Variants in KALRN observed in about 807,000 individuals in gnomAD.
The protein encoded by KALRN is kalirin.
In KALRN, 70 loss-of-function variants were observed where a neutral mutation model predicts 353.7. The ratio of observed to expected loss-of-function variants is 0.20; its 90% CI spans 0.16 to 0.24. The LOEUF is 0.24. KALRN is among the 10% of genes least tolerant of loss of function. KALRN has a pLI of 1.00. For missense variants in KALRN, 2,791 were observed against 3,756.7 expected (o/e 0.74, Z 6.72); for synonymous variants, 1,391 against 1,434.8 (o/e 0.97, Z 0.69).
At chr3:124,525,630 A>G (rs749941879) in intron 33 of KALRN, among the ~76,000 whole-genome samples, 1 of 152,182 alleles carries the variant, frequency 6.6e-6, no homozygotes, top group Non-Finnish European at 1.5e-5. Context: ...GCCTTGAGAA[A>G]AGCAAGTGGT....
At chr3:124,709,338 CA>C (rs2062784876) in intron 57 of KALRN, among the ~76,000 whole-genome samples, 1 of 152,100 alleles carries the variant, frequency 6.6e-6, no homozygotes, top group South Asian at 2.1e-4. Context: ...AGTGCAGTGG[CA>C]CAATCTTGGC....
chr3:124,109,646 T>A (rs918429952), intron 1 of KALRN, among the ~76,000 whole-genome samples: 1 of 151,262 alleles, frequency 6.6e-6, no homozygotes, highest in Non-Finnish European at 1.5e-5. Context: ...AAATGGAATA[T>A]ATTTACCATG....
intron 10 of KALRN, among the ~76,000 whole-genome samples, chr3:124,360,298 G>A (rs2083887332): frequency 6.6e-6 from 1 of 152,218 alleles, no homozygotes; most frequent in Non-Finnish European, 1.5e-5. Context: ...GCTGCCGGTG[G>A]AATCTGATAT....
intron 6 of KALRN, among the ~76,000 whole-genome samples, chr3:124,309,475 T>C (rs1443711509): frequency 6.6e-6 from 1 of 152,152 alleles, no homozygotes; most frequent in East Asian, 1.9e-4. Flanking sequence ...GCAGGAGAGT[T>C]ATTTGACTCC....
chr3:124,631,405 A>C (rs992184179), intron 34 of KALRN, among the ~76,000 whole-genome samples: 1 of 151,454 alleles, frequency 6.6e-6, no homozygotes, highest in Non-Finnish European at 1.5e-5. Context: ...CTAAACCTAA[A>C]CTCCTATATT....
intron 27 of KALRN, among the ~76,000 whole-genome samples, chr3:124,481,854 G>A (rs2062020621): frequency 6.6e-6 from 1 of 152,138 alleles, no homozygotes; most frequent in South Asian, 2.1e-4. Context: ...CCCAACCCCA[G>A]TAATCTCTCA....
chr3:124,034,509 A>G (rs966839137), intron 1 of KALRN, among the ~76,000 whole-genome samples: 2 of 151,972 alleles, frequency 1.3e-5, no homozygotes, highest in African/African-American at 2.4e-5. Context: ...CGTCCCTCTC[A>G]TACACACCCA....
intron 1 of KALRN, among the ~76,000 whole-genome samples, chr3:124,058,006 C>A (rs1441933361): frequency 6.6e-6 from 1 of 152,164 alleles, no homozygotes; most frequent in African/African-American, 2.4e-5. Flanking sequence ...CAAGGAGGAG[C>A]AAGTCACCTC....
At chr3:124,625,513 G>A in intron 34 of KALRN, among the ~76,000 whole-genome samples, 1 of 151,710 alleles carries the variant, frequency 6.6e-6, no homozygotes, top group South Asian at 2.1e-4. Flanking sequence ...TTGAGCTCAG[G>A]AGTTCGAAAC....
At chr3:124,495,980 T>TATAC (rs2063734071) in intron 32 of KALRN, among the ~76,000 whole-genome samples, 1 of 35,004 alleles carries the variant, frequency 2.9e-5, no homozygotes, top group Non-Finnish European at 5.2e-5. Context: ...TATATATATA[T>TATAC]ATATATATAT....
chr3:124,630,311 C>T (rs555344497), intron 34 of KALRN, among the ~76,000 whole-genome samples: 47 of 152,278 alleles, frequency 3.1e-4, no homozygotes, highest in African/African-American at 1.1e-3. Context: ...TTCCTCAAAC[C>T]TCATCCCTAA....
At chr3:124,441,268 G>A (rs1033194626) in intron 18 of KALRN, among the ~76,000 whole-genome samples, 2 of 152,218 alleles carry the variant, frequency 1.3e-5, no homozygotes, top group Non-Finnish European at 2.9e-5. Flanking sequence ...CACGTAAGAG[G>A]CATTCTGGTG....
intron 1 of KALRN, among the ~76,000 whole-genome samples, chr3:124,082,925 CCTATCCTAGGT>C (rs2060618908): frequency 6.6e-6 from 1 of 152,246 alleles, no homozygotes; most frequent in Non-Finnish European, 1.5e-5. Context: ...GTTAAACAGA[CCTATCCTAGGT>C]AAACCTGTAT....
chr3:124,102,179 A>C (rs1559955016), intron 1 of KALRN, among the ~76,000 whole-genome samples: 1 of 152,130 alleles, frequency 6.6e-6, no homozygotes, highest in Non-Finnish European at 1.5e-5. Flanking sequence ...TACCTATTAG[A>C]GTTATTTAAT....
chr3:124,174,039 T>C (rs2072295825), intron 1 of KALRN, among the ~76,000 whole-genome samples: 1 of 152,190 alleles, frequency 6.6e-6, no homozygotes, highest in Non-Finnish European at 1.5e-5. Context: ...AAACTTGTTA[T>C]TGTTACCATG....
chr3:124,239,390 C>A (rs1298896570), intron 3 of KALRN, among the ~76,000 whole-genome samples: 1 of 152,130 alleles, frequency 6.6e-6, no homozygotes, highest in South Asian at 2.1e-4. Flanking sequence ...TCACTGTTAG[C>A]CTGCTTTGTC....
intron 1 of KALRN, among the ~76,000 whole-genome samples, chr3:124,077,025 A>T (rs1263889016): frequency 6.6e-6 from 1 of 152,220 alleles, no homozygotes; most frequent in Non-Finnish European, 1.5e-5. Flanking sequence ...CGGTTTACAG[A>T]TTAGGAAACA....
rs373120819 is a variant in KALRN at position 124,515,192 on chromosome 3, C to T, written c.4935+18779C>T. 1.8e-4 allele frequency among the ~76,000 whole-genome samples: 27 copies of T among 152,210 alleles called. No homozygotes were observed. In the East Asian group the frequency reaches 5.2e-3, roughly 29 times the overall value. ...TGTCCAATGAATGCAAAACGTCTCA[C>T]TATAGCTCAGCTCTTATTCCAAAAG... On this transcript the variant is annotated intron_variant, in intron 33 of 59. Transcript: ENST00000682506.
intron 10 of KALRN, among the ~76,000 whole-genome samples, chr3:124,364,518 A>C (rs9824927): frequency 0.12 from 17,671 of 152,272 alleles, 1,268 homozygotes; most frequent in Non-Finnish European, 0.16. Flanking sequence ...GGAAGTGGGA[A>C]GAACATGTTC....
Sources: gnomAD v4.1 joint callset for allele counts (sites outside exome capture counted in the v4.1 genomes callset) on GRCh38, gnomAD v4.1.1 for gene constraint, MANE v1.5 for transcripts, NCBI Gene and HGNC (gene_info 2026-07-23, HGNC 2026-07-21) for gene names.